TBL1XR1: variants seen among roughly 807,000 people sequenced by gnomAD.
TBL1XR1 encodes the protein F-box-like/WD repeat-containing protein TBL1XR1.
Under a neutral mutation model 66.9 loss-of-function variants are expected in TBL1XR1, and 5 were observed. The observed-to-expected ratio is 0.07, with a 90% CI of 0.04 to 0.16. The LOEUF is 0.16. Ranked by LOEUF, TBL1XR1 falls within the 10% of genes least tolerant of loss-of-function variation. The pLI, the probability that TBL1XR1 is intolerant of heterozygous loss-of-function variation, is 1.00. For missense variants in TBL1XR1, 238 were observed against 623.2 expected (o/e 0.38, Z 6.58); for synonymous variants, 210 against 206.0 (o/e 1.02, Z -0.17).
intron 2 of TBL1XR1, among the ~76,000 whole-genome samples, chr3:177,065,639 A>G (rs954262617): frequency 6.6e-6 from 1 of 152,200 alleles, no homozygotes; most frequent in African/African-American, 2.4e-5. Flanking sequence ...GAAGTGGGGG[A>G]AAAAAGAAAA....
intron 1 of TBL1XR1, among the ~76,000 whole-genome samples, chr3:177,166,568 C>A (rs182751054): frequency 9.3e-4 from 142 of 152,248 alleles, no homozygotes; most frequent in Middle Eastern, 3.4e-3. Context: ...GGGGCTCTTC[C>A]TACTTCTCTT....
At chr3:177,183,648 C>T (rs1481983865) in intron 1 of TBL1XR1, among the ~76,000 whole-genome samples, 5 of 151,406 alleles carry the variant, frequency 3.3e-5, no homozygotes, top group Non-Finnish European at 5.9e-5. Context: ...GCTGGGATTA[C>T]AGGCACCCGC....
At chr3:177,144,801 A>G (rs562665947) in intron 1 of TBL1XR1, among the ~76,000 whole-genome samples, 19 of 152,322 alleles carry the variant, frequency 1.2e-4, no homozygotes, top group African/African-American at 4.3e-4. Context: ...CTACACATAA[A>G]TTAATCAATG....
intron 1 of TBL1XR1, among the ~76,000 whole-genome samples, chr3:177,135,000 C>T (rs548934452): frequency 1.8e-4 from 10 of 54,514 alleles, no homozygotes; most frequent in East Asian, 1.2e-3. Context: ...TGTTTTGAGA[C>T]GGCGTCTTGC....
intron 12 of TBL1XR1, 72 bp downstream of exon 12, chr3:177,038,026 T>TG: frequency 1.4e-5 from 18 of 1,316,938 alleles, no homozygotes; most frequent in Non-Finnish European, 1.7e-5. Context: ...ACATTCTAAA[T>TG]GGTCTTAAAA....
intron 1 of TBL1XR1, chr3:177,161,036 T>C (rs915905952): frequency 6.6e-6 from 1 of 151,558 alleles, no homozygotes; most frequent in African/African-American, 2.4e-5. Context: ...TCTCTAGAAA[T>C]GTAAAAAAAT....
chr3:177,166,322 A>T (rs955401843), intron 1 of TBL1XR1, among the ~76,000 whole-genome samples: 11 of 152,238 alleles, frequency 7.2e-5, no homozygotes, highest in African/African-American at 2.7e-4. Flanking sequence ...ACCCTATTTT[A>T]AAAATAGGCC....
At chr3:177,106,319 A>G (rs2108697120) in intron 1 of TBL1XR1, among the ~76,000 whole-genome samples, 1 of 152,290 alleles carries the variant, frequency 6.6e-6, no homozygotes, top group East Asian at 1.9e-4. Flanking sequence ...CAAAATCTGG[A>G]TATGTGATTC....
Position 177,132,272 on chromosome 3 carries a change from T to C in TBL1XR1, c.-121-33731A>G, listed in dbSNP as rs140697184. On this transcript the variant is annotated intron_variant, in intron 1 of 15. Coordinates refer to ENST00000457928, the MANE Select transcript of TBL1XR1 (RefSeq NM_024665.7). ...CACTATGGGATCCCTGGTTCCAAGG[T>C]GTTCTCTGCGCACATCAGTGATCCT... 8.5e-5 allele frequency among the ~76,000 whole-genome samples: 13 copies of C among 152,212 alleles called. No homozygotes were observed. The East Asian group carries it at 1.9e-3, about 23-fold the overall frequency.
intron 1 of TBL1XR1, among the ~76,000 whole-genome samples, chr3:177,114,595 C>T (rs1296550516): frequency 6.6e-6 from 1 of 151,874 alleles, no homozygotes; most frequent in Non-Finnish European, 1.5e-5. Context: ...CCACCACACC[C>T]AGCCAATATA....
intron 1 of TBL1XR1, among the ~76,000 whole-genome samples, chr3:177,122,902 T>C (rs540667199): frequency 6.6e-5 from 10 of 152,290 alleles, no homozygotes; most frequent in African/African-American, 2.4e-4. Context: ...GTGGAGGTAC[T>C]TTTTAGCACA....
intron 1 of TBL1XR1, among the ~76,000 whole-genome samples, chr3:177,126,556 CT>C (rs1727655472): frequency 6.6e-6 from 1 of 152,142 alleles, no homozygotes; most frequent in Admixed American, 6.6e-5. Flanking sequence ...ATTCCTCCAG[CT>C]AGAAATAACT....
chr3:177,042,114 A>G (rs1715671639), intron 10 of TBL1XR1, among the ~76,000 whole-genome samples: 1 of 152,150 alleles, frequency 6.6e-6, no homozygotes, highest in African/African-American at 2.4e-5. Flanking sequence ...TAATTCAGTA[A>G]CTACTGTGCA....
intron 1 of TBL1XR1, among the ~76,000 whole-genome samples, chr3:177,100,860 G>GCT (rs1724112585): frequency 7.9e-6 from 1 of 126,168 alleles, no homozygotes; most frequent in Non-Finnish European, 1.7e-5. Context: ...CTTTTTCTTT[G>GCT]GTTTTTTTTT....
At chr3:177,076,081 A>G (rs993163102) in intron 2 of TBL1XR1, among the ~76,000 whole-genome samples, 2 of 152,208 alleles carry the variant, frequency 1.3e-5, no homozygotes, top group Non-Finnish European at 2.9e-5. Flanking sequence ...TGCCTAGTGA[A>G]GGCTCTCTGC....
intron 1 of TBL1XR1, among the ~76,000 whole-genome samples, chr3:177,179,117 CAAAAAAAAAAAAA>C (rs71178099): frequency 1.9e-4 from 20 of 107,450 alleles, no homozygotes; most frequent in African/African-American, 8.5e-4. Context: ...AACTACGTCT[CAAAAAAAAAAAAA>C]AAAAAAAAAA....
Position 177,023,023 on chromosome 3 carries a change from AAG to A in TBL1XR1, c.*2473_*2474del, listed in dbSNP as rs1313758422. ...TTAAGTAAAATAGCTAAAGAAAAAA[AAG>A]AAAAAAAAAACAGAAAAGATGACAA... On this transcript the variant is annotated 3_prime_UTR_variant, in exon 16 of 16. Transcript: ENST00000457928. The A allele has an allele frequency of 2.0e-5, 3 of 151,046 alleles. No homozygotes were observed. Among genetic ancestry groups the A allele is most frequent in the South Asian group, 4.2e-4 (2 of 4,816 alleles). 9.4% of individuals were successfully genotyped at this position (151,046 alleles called of 1,614,324 possible). A position where few individuals can be genotyped will look rare whatever the true frequency, so the allele number is the denominator to read the frequency against.
At chr3:177,091,197 AAG>A (rs1244165734) in intron 2 of TBL1XR1, 2 of 152,146 alleles carry the variant, frequency 1.3e-5, no homozygotes, top group Non-Finnish European at 1.5e-5. Context: ...CGTGGACAAA[AAG>A]AGAAAAATGA....
chr3:177,063,941 C>G (rs1718832334), intron 3 of TBL1XR1, among the ~76,000 whole-genome samples: 2 of 152,158 alleles, frequency 1.3e-5, no homozygotes, highest in African/African-American at 4.8e-5. Flanking sequence ...AAGCAACAGG[C>G]TCTCAGACCG....
Sources: allele counts gnomAD v4.1 joint callset (sites outside exome capture counted in the v4.1 genomes callset), GRCh38; gene constraint gnomAD v4.1.1; transcripts MANE v1.5; gene names NCBI Gene and HGNC (gene_info 2026-07-23, HGNC 2026-07-21).